The following CPQ variants were observed in gnomAD, a reference collection of about 807,000 sequenced individuals.
CPQ encodes the protein carboxypeptidase Q, also known as Ser-Met dipeptidase.
A neutral mutation model predicts 45.7 loss-of-function variants in CPQ; 37 were observed. The observed-to-expected ratio is 0.81, with a 90% CI of 0.62 to 1.07. CPQ has a LOEUF of 1.07. CPQ is among the 50% of genes least tolerant of loss of function. CPQ has a pLI of 0.00. For synonymous variants in CPQ, 186 were observed against 205.8 expected (o/e 0.90, Z 0.82); for missense variants, 537 against 572.9 (o/e 0.94, Z 0.64).
intron 1 of CPQ, among the ~76,000 whole-genome samples, chr8:96,775,177 G>A (rs1182206182): frequency 6.6e-6 from 1 of 152,098 alleles, no homozygotes; most frequent in Admixed American, 6.6e-5. Flanking sequence ...GAAGAAAATT[G>A]TTGAATTCAC....
At chr8:96,653,032 A>G (rs986726378) in intron 1 of CPQ, among the ~76,000 whole-genome samples, 6 of 152,094 alleles carry the variant, frequency 3.9e-5, no homozygotes, top group African/African-American at 1.4e-4. Context: ...CCCAGGCTCA[A>G]GCCATCCTCC....
rs557731026 is a variant in CPQ at position 96,743,263 on chromosome 8, C to T, written c.-34-41601C>T. On this transcript the variant is annotated intron_variant, in intron 1 of 7. Coordinates refer to ENST00000220763, the MANE Select transcript of CPQ (RefSeq NM_016134.4). ...GTTGATACCCTTTCTTCCAGTTGATCGCATCGGCTCCTGAGGCTTCTGCAT... is the reference window on the plus strand; with the variant it reads ...GTTGATACCCTTTCTTCCAGTTGATTGCATCGGCTCCTGAGGCTTCTGCAT... 5.0e-3 allele frequency among the ~76,000 whole-genome samples: 768 copies of T among 152,114 alleles called. 6 individuals carry two copies. Among genetic ancestry groups the T allele is most frequent in the African/African-American group, 0.017 (724 of 41,464 alleles).
At chr8:96,995,328 G>T (rs1212678589) in intron 5 of CPQ, among the ~76,000 whole-genome samples, 2 of 152,062 alleles carry the variant, frequency 1.3e-5, no homozygotes, top group African/African-American at 2.4e-5. Flanking sequence ...TGTGGTGGTT[G>T]TTGTTTTATA....
intron 4 of CPQ, among the ~76,000 whole-genome samples, chr8:96,904,831 G>T (rs1345489788): frequency 1.3e-5 from 2 of 152,090 alleles, no homozygotes. Flanking sequence ...GACTCCATGG[G>T]CACAGTTCAC....
intron 6 of CPQ, among the ~76,000 whole-genome samples, chr8:97,037,153 G>A (rs1810018689): frequency 6.6e-6 from 1 of 152,174 alleles, no homozygotes; most frequent in African/African-American, 2.4e-5. Context: ...TGAAGTTCTT[G>A]CCAGCTTCCC....
At chr8:97,124,689 G>T (rs1413933285) in intron 7 of CPQ, among the ~76,000 whole-genome samples, 3 of 152,076 alleles carry the variant, frequency 2.0e-5, no homozygotes, top group Non-Finnish European at 4.4e-5. Flanking sequence ...ATAGATCAAA[G>T]AAGAAATCAC....
At chr8:96,914,355 G>A (rs1309959715) in intron 4 of CPQ, among the ~76,000 whole-genome samples, 1 of 152,116 alleles carries the variant, frequency 6.6e-6, no homozygotes, top group Non-Finnish European at 1.5e-5. Context: ...GTAAGATTGT[G>A]AAAGGAAAAG....
chr8:97,064,168 T>C (rs1343547680), intron 6 of CPQ, among the ~76,000 whole-genome samples: 1 of 152,182 alleles, frequency 6.6e-6, no homozygotes, highest in Non-Finnish European at 1.5e-5. Context: ...GAATGGGATC[T>C]GCCTGCAATA....
intron 4 of CPQ, among the ~76,000 whole-genome samples, chr8:96,936,374 G>T (rs1387369740): frequency 1.3e-5 from 2 of 152,020 alleles, no homozygotes; most frequent in Non-Finnish European, 2.9e-5. Context: ...TTGCTTAATG[G>T]TTTCATTTGT....
At chr8:96,817,233 G>C (rs1387361542) in intron 2 of CPQ, among the ~76,000 whole-genome samples, 2 of 152,094 alleles carry the variant, frequency 1.3e-5, no homozygotes, top group Non-Finnish European at 2.9e-5. Flanking sequence ...ATTAGCACTT[G>C]CTGCTTCACC....
At chr8:96,787,659 C>T (rs540584866) in intron 2 of CPQ, among the ~76,000 whole-genome samples, 1 of 145,456 alleles carries the variant, frequency 6.9e-6, no homozygotes, top group South Asian at 2.2e-4. Context: ...CTTTAAATTT[C>T]TGGTAGAATT....
At chr8:96,990,849 A>G (rs1028099306) in intron 5 of CPQ, among the ~76,000 whole-genome samples, 1 of 152,200 alleles carries the variant, frequency 6.6e-6, no homozygotes, top group Non-Finnish European at 1.5e-5. Flanking sequence ...AATATCCTAT[A>G]AGGTCCTAAT....
At chr8:96,674,933 T>C (rs990851529) in intron 1 of CPQ, among the ~76,000 whole-genome samples, 1 of 152,054 alleles carries the variant, frequency 6.6e-6, no homozygotes, top group Non-Finnish European at 1.5e-5. Flanking sequence ...CAATGACTAT[T>C]GAAACACCGA....
intron 1 of CPQ, among the ~76,000 whole-genome samples, chr8:96,744,458 C>T (rs1043978508): frequency 3.3e-5 from 5 of 152,204 alleles, no homozygotes; most frequent in African/African-American, 1.2e-4. Flanking sequence ...ATGCTGGGAG[C>T]TGTAGACCGG....
rs564011900 is a variant in CPQ at position 96,813,715 on chromosome 8, C to T, written c.434-21258C>T. Among the ~76,000 whole-genome samples the T allele has an allele frequency of 2.6e-5, 4 of 152,180 alleles. No homozygotes were observed. In the South Asian group the frequency reaches 8.3e-4, roughly 32 times the overall value. On this transcript the variant is annotated intron_variant, in intron 2 of 7. Coordinates refer to ENST00000220763, the MANE Select transcript of CPQ (RefSeq NM_016134.4). ...GAGGTGGGAATGGGTGGGAAAATGG[C>T]AGCTCACTCTGCTGCCTAGGACTCA...
intron 3 of CPQ, among the ~76,000 whole-genome samples, chr8:96,850,000 C>G (rs1231542841): frequency 1.3e-5 from 2 of 152,078 alleles, no homozygotes; most frequent in African/African-American, 4.8e-5. Flanking sequence ...TCTTTCTTTT[C>G]TTTCAAGTCT....
At chr8:97,141,119 T>A (rs569913881) in intron 7 of CPQ, among the ~76,000 whole-genome samples, 1 of 152,140 alleles carries the variant, frequency 6.6e-6, no homozygotes, top group South Asian at 2.1e-4. Flanking sequence ...AATATCTTTG[T>A]AATATTAGGG....
chr8:96,863,030 C>G (rs1028524567), intron 3 of CPQ, among the ~76,000 whole-genome samples: 1 of 152,036 alleles, frequency 6.6e-6, no homozygotes, highest in African/African-American at 2.4e-5. Flanking sequence ...ATTTCACTAG[C>G]CTTCTACATG....
intron 1 of CPQ, among the ~76,000 whole-genome samples, chr8:96,685,223 A>C (rs1029040922): frequency 6.6e-6 from 1 of 152,046 alleles, no homozygotes; most frequent in Non-Finnish European, 1.5e-5. Context: ...TTGTTATGAA[A>C]TACTTTTTAT....
Sources: allele counts gnomAD v4.1 joint callset (sites outside exome capture counted in the v4.1 genomes callset), GRCh38; gene constraint gnomAD v4.1.1; transcripts MANE v1.5; gene names NCBI Gene and HGNC (gene_info 2026-07-23, HGNC 2026-07-21).